The following ARHGAP19 variants were observed in gnomAD, a reference collection of about 807,000 sequenced individuals.
The protein encoded by ARHGAP19 is Rho GTPase activating protein 19.
Under a neutral mutation model 60.9 loss-of-function variants are expected in ARHGAP19, and 48 were observed. That is an observed-to-expected ratio of 0.79 (90% CI 0.62 to 1.00). ARHGAP19 has a LOEUF of 1.00. Among genes scored for constraint, ARHGAP19 ranks in the 50% least tolerant of loss-of-function variants. ARHGAP19 has a pLI of 0.00. For missense variants in ARHGAP19, 562 were observed against 597.2 expected (o/e 0.94, Z 0.61); for synonymous variants, 209 against 215.5 (o/e 0.97, Z 0.27).
intron 9 of ARHGAP19, among the ~76,000 whole-genome samples, chr10:97,232,456 C>T (rs771203216): frequency 3.5e-4 from 53 of 152,100 alleles, no homozygotes; most frequent in Non-Finnish European, 2.1e-4. Flanking sequence ...AGCCACTGTG[C>T]GCGGCCTCTG....
In ARHGAP19 at chr10:97,225,985, G is replaced by T. The variant is rs1220910479; in HGVS notation, c.*137C>A. 4.6e-6 allele frequency: 4 copies of T among 866,916 alleles called. No homozygotes were observed. The highest frequency in any genetic ancestry group is 1.7e-5 in the African/African-American group (1 of 59,132). 53.7% of individuals were successfully genotyped at this position (866,916 alleles called of 1,614,324 possible). ...GAGTGGGGTTAGAGGTATCAGTCGGGTCACGGTATTAGTTGGCTTTGACAA... is the reference window on the plus strand; with the variant it reads ...GAGTGGGGTTAGAGGTATCAGTCGGTTCACGGTATTAGTTGGCTTTGACAA... On this transcript the variant is annotated 3_prime_UTR_variant, in exon 12 of 12. Coordinates refer to ENST00000358531, the MANE Select transcript of ARHGAP19 (RefSeq NM_032900.6).
intron 1 of ARHGAP19, among the ~76,000 whole-genome samples, chr10:97,267,162 C>T (rs180688155): frequency 6.6e-6 from 1 of 152,320 alleles, no homozygotes; most frequent in East Asian, 1.9e-4. Flanking sequence ...TAAATACACC[C>T]ATTCCAAATG....
chr10:97,280,905 T>C (rs1843076181), intron 1 of ARHGAP19, among the ~76,000 whole-genome samples: 1 of 152,168 alleles, frequency 6.6e-6, no homozygotes, highest in Non-Finnish European at 1.5e-5. Flanking sequence ...TTAAGTGCCA[T>C]GAGTCTCAGG....
chr10:97,267,001 C>G (rs1396242535), intron 1 of ARHGAP19, among the ~76,000 whole-genome samples: 1 of 152,154 alleles, frequency 6.6e-6, no homozygotes, highest in African/African-American at 2.4e-5. Context: ...CCCCAACAGT[C>G]CCCCAAAGTC....
intron 2 of ARHGAP19, 91 bp from the exon 3 acceptor site, chr10:97,264,997 A>G: frequency 3.1e-6 from 3 of 979,990 alleles, no homozygotes; most frequent in Non-Finnish European, 4.7e-6. Context: ...CTATTTTACA[A>G]TTCAGCAAGC....
intron 4 of ARHGAP19, among the ~76,000 whole-genome samples, chr10:97,262,981 C>T (rs1195476489): frequency 2.0e-5 from 3 of 151,976 alleles, no homozygotes; most frequent in East Asian, 1.9e-4. Context: ...GGCGTGGTGC[C>T]GCACACCTAT....
rs1305424741 is a variant in ARHGAP19 at position 97,265,953 on chromosome 10, C to A, written c.229G>T (p.Ala77Ser). Residue 77 changes from alanine (A) to serine (S), a missense_variant, in exon 2 of 12, where the codon GCT becomes TCT. Ala to Ser is a moderately conservative substitution (Grantham distance 99). Coordinates refer to ENST00000358531, the MANE Select transcript of ARHGAP19 (RefSeq NM_032900.6). ...RLIDLPGTEL[A>S]QLMGEVDLKL... ...AGGTCCACTTCCCCCATCAGCTGAG[C>A]CAACTCAGTTCCAGGTAAATCGATG... The A allele has an allele frequency of 1.2e-6, 2 of 1,614,036 alleles. No individual in the cohort carries two copies. Among genetic ancestry groups the A allele is most frequent in the East Asian group, 2.2e-5 (1 of 44,890 alleles).
At chr10:97,291,582 C>T (rs1165333889) in intron 1 of ARHGAP19, among the ~76,000 whole-genome samples, 1 of 152,230 alleles carries the variant, frequency 6.6e-6, no homozygotes, top group East Asian at 1.9e-4. Flanking sequence ...GCGTAAGCCA[C>T]CATGCCCGGC....
chr10:97,248,910 C>T (rs969665311), intron 6 of ARHGAP19, among the ~76,000 whole-genome samples: 2 of 152,114 alleles, frequency 1.3e-5, no homozygotes, highest in East Asian at 3.8e-4. Context: ...CTCCACCTCC[C>T]GGGCTCAAGC....
Position 97,273,484 on chromosome 10 carries a change from CTTTTTTTTTTTT to C in ARHGAP19, c.57-7371_57-7360del, listed in dbSNP as rs11442502. 5.4e-5 allele frequency among the ~76,000 whole-genome samples: 5 copies of C among 92,520 alleles called. No individual in the cohort carries two copies. The South Asian group carries it at 1.2e-3, about 23-fold the overall frequency. 60.7% of individuals were successfully genotyped at this position (92,520 alleles called of 152,430 possible). A position where few individuals can be genotyped will look rare whatever the true frequency, so the allele number is the denominator to read the frequency against. The stretch of plus-strand genomic sequence containing the variant: ...AGCCTATTTCATTAATTTCTGCTCT[CTTTTTTTTTTTT>C]TTTTTTTTTTGAGACAGAGACTCTC... On this transcript the variant is annotated intron_variant, in intron 1 of 11. Coordinates refer to ENST00000358531, the MANE Select transcript of ARHGAP19 (RefSeq NM_032900.6).
At chr10:97,234,432 AAAAAAG>A (rs1237284150) in intron 9 of ARHGAP19, among the ~76,000 whole-genome samples, 29 of 150,944 alleles carry the variant, frequency 1.9e-4, no homozygotes, top group African/African-American at 7.1e-4. Context: ...AAAAAAAAAA[AAAAAAG>A]ATACTCAGTG....
At chr10:97,263,964 C>G (rs1291640293) in intron 3 of ARHGAP19, among the ~76,000 whole-genome samples, 1 of 152,172 alleles carries the variant, frequency 6.6e-6, no homozygotes, top group Non-Finnish European at 1.5e-5. Context: ...CCAAATCTCC[C>G]TAAAGACCTC....
intron 1 of ARHGAP19, among the ~76,000 whole-genome samples, chr10:97,273,484 CT>C (rs11442502): frequency 0.2 from 18,804 of 92,034 alleles, 872 homozygotes; most frequent in Middle Eastern, 0.24. Context: ...TTTCTGCTCT[CT>C]TTTTTTTTTT....
At chr10:97,264,395 G>A (rs1187552371) in intron 3 of ARHGAP19, among the ~76,000 whole-genome samples, 2 of 151,266 alleles carry the variant, frequency 1.3e-5, no homozygotes, top group Non-Finnish European at 2.9e-5. Context: ...CAAGGCTGCA[G>A]TGAGCCAAGA....
chr10:97,243,248 T>C (rs553651701), intron 8 of ARHGAP19, among the ~76,000 whole-genome samples: 1 of 152,196 alleles, frequency 6.6e-6, no homozygotes, highest in Non-Finnish European at 1.5e-5. Flanking sequence ...AAAAACAGAC[T>C]CTTCCCCCAA....
intron 1 of ARHGAP19, chr10:97,270,751 G>C: frequency 1.5e-6 from 2 of 1,315,670 alleles, no homozygotes; most frequent in Non-Finnish European, 2.1e-6. Context: ...AGGATACAAG[G>C]GCACATTATG....
At chr10:97,291,058 C>G (rs1194782361) in intron 1 of ARHGAP19, among the ~76,000 whole-genome samples, 2 of 152,224 alleles carry the variant, frequency 1.3e-5, no homozygotes, top group South Asian at 4.2e-4. Context: ...CCCAACCAAT[C>G]AGAGAGCTCA....
intron 2 of ARHGAP19, among the ~76,000 whole-genome samples, 169 bp from the exon 3 acceptor site, chr10:97,265,075 C>T (rs1842880867): frequency 6.6e-6 from 1 of 152,158 alleles, no homozygotes; most frequent in South Asian, 2.1e-4. Context: ...AGCAGGACAA[C>T]TCTCAATCAG....
chr10:97,246,957 G>A (rs1200958520), intron 6 of ARHGAP19, among the ~76,000 whole-genome samples: 3 of 152,082 alleles, frequency 2.0e-5, no homozygotes, highest in Non-Finnish European at 4.4e-5. Context: ...GACCAACATG[G>A]TGAAACCCCA....
Sources: allele counts gnomAD v4.1 joint callset (sites outside exome capture counted in the v4.1 genomes callset), GRCh38; gene constraint gnomAD v4.1.1; transcripts MANE v1.5; gene names NCBI Gene and HGNC (gene_info 2026-07-23, HGNC 2026-07-21).